The following ARHGAP18 variants were observed in gnomAD, a reference collection of about 807,000 sequenced individuals.
ARHGAP18 encodes the protein Rho GTPase activating protein 18.
ARHGAP18 carries 67 observed loss-of-function variants against 86.2 expected under a neutral mutation model. The observed-to-expected ratio is 0.78, with a 90% CI of 0.64 to 0.95. ARHGAP18 has a LOEUF of 0.95. ARHGAP18 is among the 40% of genes least tolerant of loss of function. The pLI, the probability that ARHGAP18 is intolerant of heterozygous loss-of-function variation, is 0.00. For missense variants in ARHGAP18, 691 were observed against 780.4 expected (o/e 0.89, Z 1.37); for synonymous variants, 283 against 280.4 (o/e 1.01, Z -0.09).
rs772127660 is a variant in ARHGAP18, at chr6:129,608,017, T to C, written c.1158A>G (p.Glu386=). 49 of 1,582,940 alleles carry C rather than the reference T, an allele frequency of 3.1e-5. No homozygotes were observed. The highest frequency in any genetic ancestry group is 4.1e-5 in the Non-Finnish European group (48 of 1,162,052). Residue 386 remains glutamate, a synonymous_variant, in exon 9 of 15, where the codon GAA becomes GAG. Transcript: ENST00000368149. ...LCQELEAKFY[E]GTFNWESVKQ... ...TGACACTTTCCCAATTAAAAGTCCCTTCATAAAACTTTGCTTCTAGTTCTT... is the reference window on the plus strand; with the variant it reads ...TGACACTTTCCCAATTAAAAGTCCCCTCATAAAACTTTGCTTCTAGTTCTT...
At chr6:129,663,315 A>C (rs144043378) in intron 1 of ARHGAP18, among the ~76,000 whole-genome samples, 1 of 152,352 alleles carries the variant, frequency 6.6e-6, no homozygotes, top group East Asian at 1.9e-4. Context: ...CAATGTGCTC[A>C]AAGACATATG....
intron 1 of ARHGAP18, among the ~76,000 whole-genome samples, chr6:129,690,836 T>C (rs1444310013): frequency 6.6e-6 from 1 of 152,194 alleles, no homozygotes; most frequent in African/African-American, 2.4e-5. Flanking sequence ...TTTCACAACA[T>C]CTGAATAAAG....
At chr6:129,588,167 G>C (rs563424198) in intron 12 of ARHGAP18, among the ~76,000 whole-genome samples, 1 of 151,180 alleles carries the variant, frequency 6.6e-6, no homozygotes, top group East Asian at 1.9e-4. Context: ...ACCCAGGCTG[G>C]AGTGTAGTGG....
chr6:129,649,938 G>A (rs1316008540), intron 1 of ARHGAP18, among the ~76,000 whole-genome samples: 1 of 145,010 alleles, frequency 6.9e-6, no homozygotes, highest in African/African-American at 2.6e-5. Flanking sequence ...TGGAGACGGA[G>A]TTCCACTCTT....
chr6:129,709,950 G>A (rs1774877421), intron 1 of ARHGAP18, 74 bp downstream of exon 1: 4 of 1,240,622 alleles, frequency 3.2e-6, no homozygotes, highest in South Asian at 1.3e-5. Flanking sequence ...TTCTCCCCAC[G>A]CCAACTTCCC....
At chr6:129,653,850 C>G (rs1773769596) in intron 1 of ARHGAP18, among the ~76,000 whole-genome samples, 1 of 151,994 alleles carries the variant, frequency 6.6e-6, no homozygotes, top group Admixed American at 6.5e-5. Flanking sequence ...ACTCACCAGC[C>G]TGGGCAACAT....
chr6:129,593,206 A>C (rs1788552500), intron 12 of ARHGAP18, among the ~76,000 whole-genome samples: 1 of 152,110 alleles, frequency 6.6e-6, no homozygotes, highest in African/African-American at 2.4e-5. Flanking sequence ...TTACACCTGT[A>C]ATCTCAGGTG....
Position 129,614,748 on chromosome 6 carries a change from ATTT to A in ARHGAP18, c.1044+1461_1044+1463del, listed in dbSNP as rs10556070. ...AGCAGTCTACATGTTGCAGTGACAG[ATTT>A]TTTTTTTTTTTTTTTTTTGGTTGTC... On this transcript the variant is annotated intron_variant, in intron 7 of 14. Coordinates refer to ENST00000368149, the MANE Select transcript of ARHGAP18 (RefSeq NM_033515.3). 5.2e-3 allele frequency among the ~76,000 whole-genome samples: 684 copies of A among 131,512 alleles called. 7 individuals are homozygous for A. Among genetic ancestry groups the A allele is most frequent in the East Asian group, 0.042 (189 of 4,510 alleles). 86.3% of individuals were successfully genotyped at this position (131,512 alleles called of 152,430 possible). A position where few individuals can be genotyped will look rare whatever the true frequency, so the allele number is the denominator to read the frequency against.
chr6:129,666,475 C>T (rs1359275633), intron 1 of ARHGAP18, among the ~76,000 whole-genome samples: 5 of 152,188 alleles, frequency 3.3e-5, no homozygotes, highest in Admixed American at 2.6e-4. Flanking sequence ...TTCTTATTCA[C>T]AGGGCCAATG....
intron 1 of ARHGAP18, among the ~76,000 whole-genome samples, chr6:129,652,228 G>A (rs1036526841): frequency 6.6e-6 from 1 of 152,192 alleles, no homozygotes; most frequent in Admixed American, 6.5e-5. Flanking sequence ...CATTATTAAA[G>A]TTGTTCTTTC....
chr6:129,611,220 A>G (rs558344899), intron 8 of ARHGAP18, among the ~76,000 whole-genome samples: 2 of 152,230 alleles, frequency 1.3e-5, no homozygotes, highest in South Asian at 2.1e-4. Flanking sequence ...CGTAAACTCA[A>G]TTGCTACTAC....
intron 13 of ARHGAP18, among the ~76,000 whole-genome samples, chr6:129,582,910 T>C (rs998851590): frequency 6.6e-6 from 1 of 152,206 alleles, no homozygotes; most frequent in African/African-American, 2.4e-5. Flanking sequence ...AGCCTAGATA[T>C]TACCAATAAG....
At chr6:129,629,616 G>C (rs1773149149) in intron 4 of ARHGAP18, 94 bp from the exon 5 acceptor site, 4 of 1,329,578 alleles carry the variant, frequency 3.0e-6, no homozygotes, top group Non-Finnish European at 3.1e-6. Flanking sequence ...CATTTGGGAA[G>C]AGTACTATTT....
intron 5 of ARHGAP18, among the ~76,000 whole-genome samples, chr6:129,622,864 G>A (rs1789258893): frequency 6.6e-6 from 1 of 151,922 alleles, no homozygotes; most frequent in Admixed American, 6.6e-5. Flanking sequence ...AGCCGGGCGT[G>A]GTGGCAGGTG....
intron 1 of ARHGAP18, among the ~76,000 whole-genome samples, chr6:129,696,841 G>A (rs1324901594): frequency 1.3e-5 from 2 of 152,180 alleles, no homozygotes; most frequent in African/African-American, 4.8e-5. Context: ...GGTAAGGCCA[G>A]ATACAAAGAG....
chr6:129,703,406 A>G (rs1388022737), intron 1 of ARHGAP18, among the ~76,000 whole-genome samples: 1 of 152,276 alleles, frequency 6.6e-6, no homozygotes, highest in Non-Finnish European at 1.5e-5. Flanking sequence ...AGCCCCACTT[A>G]GAAGAGACAA....
chr6:129,608,332 G>T lies in ARHGAP18; in HGVS notation c.1123-280C>A, dbSNP rs184557410. On this transcript the variant is annotated intron_variant, in intron 8 of 14. Transcript: ENST00000368149. ...CATTCCACAAACTGTAAGTAATAAAGTTTTAATTAAGAGACTGGTTAAAAT... is the reference window on the plus strand; with the variant it reads ...CATTCCACAAACTGTAAGTAATAAATTTTTAATTAAGAGACTGGTTAAAAT... 1.2e-4 allele frequency among the ~76,000 whole-genome samples: 19 copies of T among 152,048 alleles called. No individual in the cohort carries two copies. The East Asian group carries it at 3.7e-3, about 29-fold the overall frequency.
At chr6:129,646,213 G>T (rs2114504241) in intron 1 of ARHGAP18, among the ~76,000 whole-genome samples, 1 of 152,208 alleles carries the variant, frequency 6.6e-6, no homozygotes, top group African/African-American at 2.4e-5. Context: ...CTACTTAACT[G>T]CAATCTTTGG....
rs1006261931 is a variant in ARHGAP18, at chr6:129,709,417, C to T, written c.113+607G>A. On this transcript the variant is annotated intron_variant, in intron 1 of 14. Coordinates refer to ENST00000368149, the MANE Select transcript of ARHGAP18 (RefSeq NM_033515.3). ...GTGATTTAACATTAACCACATTTCA[C>T]TCCAGCAGCAGAGTGCTATCTCCTG... is the stretch of plus-strand genomic sequence containing the variant. Among the ~76,000 whole-genome samples the T allele has an allele frequency of 1.8e-4, 28 of 152,312 alleles. No homozygotes were observed. In the South Asian group the frequency reaches 2.1e-3, roughly 11 times the overall value.
Sources: gnomAD v4.1 joint callset for allele counts (sites outside exome capture counted in the v4.1 genomes callset) on GRCh38, gnomAD v4.1.1 for gene constraint, MANE v1.5 for transcripts, NCBI Gene and HGNC (gene_info 2026-07-23, HGNC 2026-07-21) for gene names.